ZNF382: variants seen among roughly 807,000 people sequenced by gnomAD.
ZNF382 encodes the protein KRAB/zinc finger suppressor protein 1.
Under a neutral mutation model 38.8 loss-of-function variants are expected in ZNF382, and 20 were observed. The ratio of observed to expected loss-of-function variants is 0.51; its 90% CI spans 0.36 to 0.75. The LOEUF (loss-of-function observed/expected upper bound fraction) is 0.75, where lower values mean the gene tolerates loss of function less well. Among genes scored for constraint, ZNF382 ranks in the 30% least tolerant of loss-of-function variants. The probability of loss-of-function intolerance (pLI) is 0.00; values close to 1 mark genes in which losing one functional copy is unlikely to be tolerated. For synonymous variants in ZNF382, 202 were observed against 223.1 expected, an observed-to-expected ratio of 0.91 and a Z score of 0.84; for missense variants, 546 against 654.1, an observed-to-expected ratio of 0.83 and a Z score of 1.80.
intron 4 of ZNF382, among the ~76,000 whole-genome samples, chr19:36,621,269 A>G (rs1273508238): frequency 6.8e-6 from 1 of 146,438 alleles, no homozygotes; most frequent in Non-Finnish European, 1.5e-5. Flanking sequence ...GAGCCATATC[A>G]TTTCAGGTGT....
chr19:36,607,736 C>T, intron 2 of ZNF382, 114 bp downstream of exon 2: 1 of 1,164,496 alleles, frequency 8.6e-7, no homozygotes, highest in East Asian at 2.7e-5. Flanking sequence ...TGAAATTAGT[C>T]TTCAGTCAGG....
Position 36,626,293 on chromosome 19 carries a change from AC to A in ZNF382, c.397del (p.Leu133TyrfsTer11). On this transcript the variant is annotated frameshift_variant, in exon 5 of 5. Transcript: ENST00000292928. LOFTEE classifies it high-confidence loss of function. ...LGKNRISKTI[L>X]CEYKPDGKVL... Reference sequence around the variant, plus strand: ...GCAAGAACCGTATTTCAAAAACAATACTATGTGAATATAAACCTGATGGAAA... The same window carrying A: ...GCAAGAACCGTATTTCAAAAACAATATATGTGAATATAAACCTGATGGAAA... The A allele has an allele frequency of 6.2e-7, 1 of 1,600,166 alleles. No homozygotes were observed. The highest frequency in any genetic ancestry group is 2.2e-5 in the East Asian group (1 of 44,802).
At chr19:36,607,348 C>G (rs1375691087) in intron 1 of ZNF382, among the ~76,000 whole-genome samples, 1 of 152,126 alleles carries the variant, frequency 6.6e-6, no homozygotes, top group Admixed American at 6.5e-5. Flanking sequence ...GTATACTTTA[C>G]CAAGAGACTG....
chr19:36,627,049 G>A lies in ZNF382; in HGVS notation c.1152G>A (p.Gln384=). The change falls in exon 5 of 5, where the codon CAG becomes CAA. Residue 384 remains glutamine (Q), a synonymous_variant. Coordinates refer to ENST00000292928, the MANE Select transcript of ZNF382 (RefSeq NM_032825.5). ...GGGAGAAAGCCTATGAATGTCCTCA[G>A]TGTGGAAGTGCCTTTAGGAAGAAGT... The part of the protein sequence containing the change: ...HTGEKAYECP[Q]CGSAFRKKSY... The A allele has an allele frequency of 6.2e-7, 1 of 1,613,800 alleles. No individual in the cohort carries two copies. Among genetic ancestry groups the A allele is most frequent in the Middle Eastern group, 1.6e-4 (1 of 6,062 alleles).
rs1275454206 is a variant in ZNF382 at position 36,627,872 on chromosome 19, T to C, written c.*322T>C. On this transcript the variant is annotated 3_prime_UTR_variant, in exon 5 of 5. Transcript: ENST00000292928. ...TATCTTTTTGTTCATCAGTAATAAC[T>C]AGTTGGCCAACTGACTGTGGTCCAT... is the stretch of plus-strand genomic sequence containing the variant. 2.1e-5 allele frequency: 5 copies of C among 241,166 alleles called. No homozygotes were observed. Among genetic ancestry groups the C allele is most frequent in the Non-Finnish European group, 4.1e-5 (5 of 122,952 alleles). The allele number at this position is 241,166 out of a possible 1,614,324, so 14.9% of individuals were successfully genotyped here.
intron 3 of ZNF382, among the ~76,000 whole-genome samples, chr19:36,610,330 G>A (rs2037067026): frequency 6.6e-6 from 1 of 152,024 alleles, no homozygotes; most frequent in African/African-American, 2.4e-5. Flanking sequence ...GGTGGCACAT[G>A]CCTGTAATCC....
intron 4 of ZNF382, among the ~76,000 whole-genome samples, chr19:36,611,964 G>C (rs1327321525): frequency 6.6e-6 from 1 of 152,122 alleles, no homozygotes; most frequent in Admixed American, 6.6e-5. Flanking sequence ...GCCTGGGTTT[G>C]TGGAAATATT....
intron 4 of ZNF382, among the ~76,000 whole-genome samples, chr19:36,619,946 T>A (rs1223532220): frequency 6.6e-6 from 1 of 152,134 alleles, no homozygotes; most frequent in Non-Finnish European, 1.5e-5. Flanking sequence ...TTAGCCAGGA[T>A]GGTCTCTATC....
rs563072257 is a variant in ZNF382, at chr19:36,614,846, G to A, written c.232+4104G>A. Among the ~76,000 whole-genome samples the A allele has an allele frequency of 9.8e-4, 149 of 151,464 alleles. 1 individual carries two copies. The highest frequency in any genetic ancestry group is 3.5e-3 in the African/African-American group (144 of 41,200). On this transcript the variant is annotated intron_variant, in intron 4 of 4. Coordinates refer to ENST00000292928, the MANE Select transcript of ZNF382 (RefSeq NM_032825.5). The stretch of plus-strand genomic sequence containing the variant: ...GAACTGCTTGAACCCGGGAGTCGGA[G>A]GTTGCAATGAACCATTTCTTTCTTT...
intron 4 of ZNF382, among the ~76,000 whole-genome samples, chr19:36,621,618 A>AC (rs1223301196): frequency 1.3e-5 from 2 of 151,838 alleles, no homozygotes; most frequent in African/African-American, 4.8e-5. Flanking sequence ...ACACACACAC[A>AC]AAATACAAAT....
In ZNF382 at chr19:36,607,637, C is replaced by T. The variant is rs1375037198; in HGVS notation, c.-14+15C>T. 2 of 1,517,220 alleles carry T rather than the reference C, an allele frequency of 1.3e-6. No homozygotes were observed. Among genetic ancestry groups the T allele is most frequent in the Non-Finnish European group, 1.8e-6 (2 of 1,140,676 alleles). The allele number at this position is 1,517,220 out of a possible 1,614,324, so 94.0% of individuals were successfully genotyped here. A position where few individuals can be genotyped will look rare whatever the true frequency, so the allele number is the denominator to read the frequency against. ...CCATGTCTCAGGTGAGATGATGTTT[C>T]CTCTCTTTCTGAAATAACTTTTTTT... is the stretch of plus-strand genomic sequence containing the variant. On this transcript the variant is annotated intron_variant, in intron 2 of 4. Coordinates refer to ENST00000292928, the MANE Select transcript of ZNF382 (RefSeq NM_032825.5).
Position 36,627,513 on chromosome 19 carries a change from A to G in ZNF382, c.1616A>G (p.Gln539Arg), listed in dbSNP as rs1335314672. 6.2e-7 allele frequency: 1 copy of G among 1,612,888 alleles called. No individual in the cohort carries two copies. The highest frequency in any genetic ancestry group is 1.3e-5 in the African/African-American group (1 of 74,932). The stretch of plus-strand genomic sequence containing the variant: ...TGTAAGTCAAACCTCATTGTCCATC[A>G]GAAAACTCACAAGGTAGAAACCACG... Reference protein sequence around the residue: ...FSCKSNLIVHQKTHKVETTGI... With the variant: ...FSCKSNLIVHRKTHKVETTGI... The change falls in exon 5 of 5, where the codon CAG (glutamine) becomes CGG (arginine). Residue 539 changes from glutamine to arginine, a missense_variant. Gln to Arg is a conservative substitution (Grantham distance 43). Coordinates refer to ENST00000292928, the MANE Select transcript of ZNF382 (RefSeq NM_032825.5).
At chr19:36,610,097 T>A (rs1213025564) in intron 3 of ZNF382, 44 bp downstream of exon 3, 1 of 1,600,990 alleles carries the variant, frequency 6.2e-7, no homozygotes, top group Non-Finnish European at 8.5e-7. Context: ...CATCTCCTTC[T>A]AAGAATTCCT....
rs1043210661 is a variant in ZNF382, at chr19:36,630,179, A to C, written c.*2629A>C. On this transcript the variant is annotated 3_prime_UTR_variant, in exon 5 of 5. Transcript: ENST00000292928. ...TATACTTCCCAATTTTGCACACACA[A>C]AAAATGAAAATAGCCCCCAAAAGAA... 1 of 152,094 alleles carries C rather than the reference A, an allele frequency of 6.6e-6. No individual in the cohort carries two copies. Among genetic ancestry groups the C allele is most frequent in the African/African-American group, 2.4e-5 (1 of 41,414 alleles). The allele number at this position is 152,094 out of a possible 1,614,324, so 9.4% of individuals were successfully genotyped here. A position where few individuals can be genotyped will look rare whatever the true frequency, so the allele number is the denominator to read the frequency against.
intron 2 of ZNF382, 35 bp from the exon 3 acceptor site, chr19:36,609,867 A>C: frequency 6.5e-7 from 1 of 1,547,604 alleles, no homozygotes; most frequent in Non-Finnish European, 8.7e-7. Context: ...CTAGGTCTCC[A>C]ATATCTAGTT....
chr19:36,626,807 A>G lies in ZNF382; in HGVS notation c.910A>G (p.Asn304Asp), dbSNP rs1212294309. Residue 304 changes from asparagine to aspartate, a missense_variant, in exon 5 of 5, where the codon AAC becomes GAC. By Grantham distance (23) the Asn-to-Asp change is conservative. Transcript: ENST00000292928. ...CTTTCACTGTCCTTACTGTGGGAAT[A>G]ACTTTAGAAGGAAGTCATACCTCAT... is the stretch of plus-strand genomic sequence containing the variant. ...KPFHCPYCGN[N>D]FRRKSYLIEH... 9 of 1,614,258 alleles carry G rather than the reference A, an allele frequency of 5.6e-6. No homozygotes were observed. The highest frequency in any genetic ancestry group is 7.6e-6 in the Non-Finnish European group (9 of 1,180,048).
At chr19:36,612,759 G>T (rs1248287617) in intron 4 of ZNF382, among the ~76,000 whole-genome samples, 1 of 152,084 alleles carries the variant, frequency 6.6e-6, no homozygotes, top group Admixed American at 6.6e-5. Context: ...AGAGGCATCT[G>T]TTCAAGTGTT....
chr19:36,626,893 C>T lies in ZNF382; in HGVS notation c.996C>T (p.Ala332=), dbSNP rs1292138982. Residue 332 remains alanine, a synonymous_variant, in exon 5 of 5, where the codon GCC becomes GCT. Coordinates refer to ENST00000292928, the MANE Select transcript of ZNF382 (RefSeq NM_032825.5). ...ATGTTTGCAATCAATGTGGAAAGGC[C>T]TTCCGTCAGAAGACAGCCCTCACCC... is the stretch of plus-strand genomic sequence containing the variant. ...KPYVCNQCGK[A]FRQKTALTLH... is the part of the protein sequence containing the mutation. The T allele has an allele frequency of 9.3e-6, 15 of 1,614,010 alleles. No individual in the cohort carries two copies. The highest frequency in any genetic ancestry group is 1.3e-5 in the Non-Finnish European group (15 of 1,179,966).
chr19:36,607,309 TC>T (rs2037042159), intron 1 of ZNF382, among the ~76,000 whole-genome samples: 1 of 152,112 alleles, frequency 6.6e-6, no homozygotes, highest in Non-Finnish European at 1.5e-5. Flanking sequence ...TTCCCTCTCT[TC>T]AAGCTAAAAC....
Sources: allele counts gnomAD v4.1 joint callset (sites outside exome capture counted in the v4.1 genomes callset), GRCh38; gene constraint gnomAD v4.1.1; transcripts MANE v1.5; gene names NCBI Gene and HGNC (gene_info 2026-07-23, HGNC 2026-07-21).